ACSS3: variants seen among roughly 807,000 people sequenced by gnomAD.
The protein encoded by ACSS3 is acyl-CoA synthetase short-chain family member 3, mitochondrial.
ACSS3 carries 64 observed loss-of-function variants against 84.2 expected under a neutral mutation model. That is an observed-to-expected ratio of 0.76 (90% CI 0.62 to 0.94). The LOEUF (loss-of-function observed/expected upper bound fraction) is 0.94, where lower values mean the gene tolerates loss of function less well. Among genes scored for constraint, ACSS3 ranks in the 40% least tolerant of loss-of-function variants. The probability of loss-of-function intolerance (pLI) is 0.00; values close to 1 mark genes in which losing one functional copy is unlikely to be tolerated. For missense variants in ACSS3, 815 were observed against 867.6 expected, an observed-to-expected ratio of 0.94 and a Z score of 0.76; for synonymous variants, 317 against 310.1, an observed-to-expected ratio of 1.02 and a Z score of -0.23.
chr12:81,254,743 A>G, intron 15 of ACSS3, 114 bp from the exon 16 acceptor site: 1 of 773,992 alleles, frequency 1.3e-6, no homozygotes. Context: ...TAAACTTTCC[A>G]TATGAATATT....
chr12:81,089,493 A>G (rs961911069), intron 1 of ACSS3, among the ~76,000 whole-genome samples: 4 of 151,974 alleles, frequency 2.6e-5, no homozygotes, highest in Non-Finnish European at 5.9e-5. Flanking sequence ...TGTGTCTCTC[A>G]CCTGTGTTAT....
intron 3 of ACSS3, among the ~76,000 whole-genome samples, chr12:81,136,241 A>C (rs1885794650): frequency 6.6e-6 from 1 of 152,140 alleles, no homozygotes; most frequent in South Asian, 2.1e-4. Context: ...TTATTAATCT[A>C]TGAATTTAGT....
At chr12:81,086,607 T>G (rs1250578314) in intron 1 of ACSS3, among the ~76,000 whole-genome samples, 1 of 152,142 alleles carries the variant, frequency 6.6e-6, no homozygotes, top group Non-Finnish European at 1.5e-5. Flanking sequence ...TGGGGGAAAA[T>G]CCACACTCTT....
In ACSS3 at chr12:81,091,302, G is replaced by A. The variant is rs117061273; in HGVS notation, c.311+12871G>A. Among the ~76,000 whole-genome samples the A allele has an allele frequency of 5.5e-3, 831 of 151,852 alleles. 4 individuals are homozygous for A. The highest frequency in any genetic ancestry group is 0.014 in the African/African-American group (568 of 41,468). The stretch of plus-strand genomic sequence containing the variant: ...AAAATCACAGAATGAAAAAGTGATA[G>A]CAATCATATAAAAATGTTGAATTAG... On this transcript the variant is annotated intron_variant, in intron 1 of 15. Coordinates refer to ENST00000548058, the MANE Select transcript of ACSS3 (RefSeq NM_024560.4).
chr12:81,256,683 A>G lies in ACSS3; in HGVS notation c.*1761A>G, dbSNP rs564208512. ...TTTATTGTTATAAAAATGACCTACAACTTATATAAAAAAATTCTGAAAATG... is the reference window on the plus strand; with the variant it reads ...TTTATTGTTATAAAAATGACCTACAGCTTATATAAAAAAATTCTGAAAATG... On this transcript the variant is annotated 3_prime_UTR_variant, in exon 16 of 16. Coordinates refer to ENST00000548058, the MANE Select transcript of ACSS3 (RefSeq NM_024560.4). The G allele has an allele frequency of 1.3e-3, 198 of 152,294 alleles. No homozygotes were observed. Among genetic ancestry groups the G allele is most frequent in the Admixed American group, 4.0e-3 (61 of 15,296 alleles). The allele number at this position is 152,294 out of a possible 1,614,324, so 9.4% of individuals were successfully genotyped here.
At chr12:81,198,178 C>T (rs2031927328) in intron 8 of ACSS3, among the ~76,000 whole-genome samples, 1 of 152,162 alleles carries the variant, frequency 6.6e-6, no homozygotes, top group Non-Finnish European at 1.5e-5. Context: ...TAACTCCCCA[C>T]CTCTGTACTT....
chr12:81,199,498 G>T lies in ACSS3; in HGVS notation c.1354+54G>T, dbSNP rs1262527196. 3.2e-6 allele frequency: 5 copies of T among 1,559,256 alleles called. No homozygotes were observed. In the South Asian group the frequency reaches 3.4e-5, roughly 11 times the overall value. Reference sequence around the variant, plus strand: ...TAGTAAAGAAATGTTCCAAAAAGCTGCAAGGATTGGAGGAAACTTTTGAGC... The same window carrying T: ...TAGTAAAGAAATGTTCCAAAAAGCTTCAAGGATTGGAGGAAACTTTTGAGC... On this transcript the variant is annotated intron_variant, in intron 9 of 15. Coordinates refer to ENST00000548058, the MANE Select transcript of ACSS3 (RefSeq NM_024560.4).
chr12:81,094,520 G>A (rs1396738289), intron 1 of ACSS3: 1 of 152,112 alleles, frequency 6.6e-6, no homozygotes, highest in Non-Finnish European at 1.5e-5. Context: ...TGTAAGGCTC[G>A]ATGGAAAGGA....
At chr12:81,123,347 G>A (rs943168829) in intron 2 of ACSS3, among the ~76,000 whole-genome samples, 23 of 152,118 alleles carry the variant, frequency 1.5e-4, no homozygotes, top group African/African-American at 5.3e-4. Context: ...AAAGGCTAGA[G>A]AATATATGTA....
Position 81,260,461 on chromosome 12 carries a change from A to G in ACSS3, c.*5539A>G, listed in dbSNP as rs941276939. ...GAAGTGTTCATTTCCTGAAGAAATT[A>G]TAATGCTATGTGTAGAATCTAATAT... is the stretch of plus-strand genomic sequence containing the variant. On this transcript the variant is annotated 3_prime_UTR_variant, in exon 16 of 16. Transcript: ENST00000548058. 1.3e-5 allele frequency: 2 copies of G among 152,190 alleles called. No individual in the cohort carries two copies. Among genetic ancestry groups the G allele is most frequent in the Admixed American group, 6.6e-5 (1 of 15,260 alleles). 9.4% of individuals were successfully genotyped at this position (152,190 alleles called of 1,614,324 possible).
chr12:81,237,167 C>G (rs2033658972), intron 13 of ACSS3, among the ~76,000 whole-genome samples: 1 of 151,482 alleles, frequency 6.6e-6, no homozygotes, highest in Non-Finnish European at 1.5e-5. Context: ...GGGAATTAAT[C>G]TCTTTTTAGC....
At chr12:81,102,712 C>T (rs1014119676) in intron 1 of ACSS3, among the ~76,000 whole-genome samples, 2 of 151,730 alleles carry the variant, frequency 1.3e-5, no homozygotes, top group East Asian at 1.9e-4. Context: ...ACCTGTAGTC[C>T]CAGCTACTCA....
In ACSS3 at chr12:81,078,190, T is replaced by C. The variant is rs1239088219; in HGVS notation, c.70T>C (p.Ser24Pro). Residue 24 changes from serine (S) to proline (P), a missense_variant, in exon 1 of 16, where the codon TCC becomes CCC. Physicochemically the swap from Ser to Pro is moderately conservative, Grantham distance 74 (BLOSUM62 -1). Coordinates refer to ENST00000548058, the MANE Select transcript of ACSS3 (RefSeq NM_024560.4). ...AGGLGGPLPG[S>P]SPARGAGAAL... ...GGGGCTCGGAGGGCCCTTGCCTGGG[T>C]CCTCTCCGGCCCGGGGAGCCGGTGC... is the stretch of plus-strand genomic sequence containing the variant. 6.4e-7 allele frequency: 1 copy of C among 1,550,764 alleles called. No homozygotes were observed. The highest frequency in any genetic ancestry group is 8.7e-7 in the Non-Finnish European group (1 of 1,152,294).
At chr12:81,203,163 G>C (rs1286945286) in intron 9 of ACSS3, among the ~76,000 whole-genome samples, 3 of 152,108 alleles carry the variant, frequency 2.0e-5, no homozygotes, top group African/African-American at 4.8e-5. Flanking sequence ...AAAGATGGGG[G>C]AGCCTGGAGT....
At chr12:81,145,270 A>C (rs543357134) in intron 5 of ACSS3, among the ~76,000 whole-genome samples, 1 of 151,886 alleles carries the variant, frequency 6.6e-6, no homozygotes, top group African/African-American at 2.4e-5. Flanking sequence ...TAAATGGAAG[A>C]TCCTTTGATA....
intron 1 of ACSS3, among the ~76,000 whole-genome samples, chr12:81,095,933 C>G (rs973076983): frequency 7.2e-5 from 11 of 152,146 alleles, no homozygotes; most frequent in Admixed American, 6.5e-4. Context: ...ATGTGCTTTC[C>G]AAGTACTTTC....
At chr12:81,226,406 G>A (rs1338192912) in intron 11 of ACSS3, among the ~76,000 whole-genome samples, 2 of 151,182 alleles carry the variant, frequency 1.3e-5, no homozygotes, top group East Asian at 2.0e-4. Flanking sequence ...CTCTCTCCAC[G>A]AATCATCTCA....
chr12:81,205,300 A>AT (rs2032298361), intron 9 of ACSS3, among the ~76,000 whole-genome samples: 1 of 152,034 alleles, frequency 6.6e-6, no homozygotes, highest in Admixed American at 6.6e-5. Context: ...ATGATTTCTT[A>AT]TTTTTGCATA....
intron 5 of ACSS3, among the ~76,000 whole-genome samples, chr12:81,150,757 C>T (rs10492002): frequency 0.3 from 46,154 of 152,124 alleles, 8,784 homozygotes; most frequent in Middle Eastern, 0.43. Context: ...TAGTAACTAA[C>T]GGAAAGTCAA....
Sources: gnomAD v4.1 joint callset for allele counts (sites outside exome capture counted in the v4.1 genomes callset) on GRCh38, gnomAD v4.1.1 for gene constraint, MANE v1.5 for transcripts, NCBI Gene and HGNC (gene_info 2026-07-23, HGNC 2026-07-21) for gene names.